The following SAMTOR variants were observed in gnomAD, a reference collection of about 807,000 sequenced individuals.
SAMTOR encodes the protein UPF0532 protein C7orf60.
the SAMTOR span, among the ~76,000 whole-genome samples, chr7:112,886,270 C>T: frequency 6.6e-6 from 1 of 152,046 alleles, no homozygotes; most frequent in African/African-American, 2.4e-5. Flanking sequence ...CCATTTTATT[C>T]CATCATGTTA....
At chr7:112,867,668 A>G in the SAMTOR span, among the ~76,000 whole-genome samples, 1 of 152,228 alleles carries the variant, frequency 6.6e-6, no homozygotes, top group Non-Finnish European at 1.5e-5. Context: ...ATAAATCATA[A>G]AACATGGAAT....
At chr7:112,884,319 C>T in the SAMTOR span, among the ~76,000 whole-genome samples, 30 of 152,156 alleles carry the variant, frequency 2.0e-4, no homozygotes, top group African/African-American at 7.0e-4. Flanking sequence ...CATGCCTTCC[C>T]TACAGTTCCT....
chr7:112,855,581 C>T, the SAMTOR span, among the ~76,000 whole-genome samples: 1 of 152,146 alleles, frequency 6.6e-6, no homozygotes, highest in Non-Finnish European at 1.5e-5. Flanking sequence ...GAGTCATTCT[C>T]AGCTTCTGGA....
At chr7:112,837,096 T>G in the SAMTOR span, among the ~76,000 whole-genome samples, 1 of 152,160 alleles carries the variant, frequency 6.6e-6, no homozygotes, top group African/African-American at 2.4e-5. Context: ...TTCCATTTGT[T>G]TGTGTCATCT....
the SAMTOR span, among the ~76,000 whole-genome samples, chr7:112,884,448 A>G: frequency 6.6e-6 from 1 of 152,200 alleles, no homozygotes; most frequent in African/African-American, 2.4e-5. Flanking sequence ...GTTACTTCCT[A>G]GATACAATGG....
the SAMTOR span, among the ~76,000 whole-genome samples, chr7:112,933,392 ATG>A: frequency 1.3e-5 from 2 of 152,346 alleles, no homozygotes; most frequent in East Asian, 3.9e-4. Context: ...TAATATAAAA[ATG>A]TGTCAAAACT....
chr7:112,897,704 A>G, the SAMTOR span, among the ~76,000 whole-genome samples: 2 of 152,198 alleles, frequency 1.3e-5, no homozygotes, highest in Non-Finnish European at 2.9e-5. Context: ...TTGGCTTTGG[A>G]GGCCACTCAA....
the SAMTOR span, among the ~76,000 whole-genome samples, chr7:112,936,898 T>G: frequency 2.0e-5 from 3 of 152,186 alleles, no homozygotes; most frequent in Non-Finnish European, 4.4e-5. Flanking sequence ...TGCTTCTCAT[T>G]TTCCCTCCTA....
the SAMTOR span, chr7:112,820,122 AACTG>A: frequency 1.3e-5 from 2 of 152,520 alleles, no homozygotes; most frequent in Non-Finnish European, 2.9e-5. Flanking sequence ...GCATTTAATC[AACTG>A]ACTTTAAAAA....
chr7:112,827,779 T>G, the SAMTOR span, among the ~76,000 whole-genome samples: 7 of 152,320 alleles, frequency 4.6e-5, no homozygotes, highest in East Asian at 1.3e-3. Context: ...TGGAGTGCAG[T>G]GGCACAATCT....
At chr7:112,821,668 G>A in the SAMTOR span, 2 of 1,388,278 alleles carry the variant, frequency 1.4e-6, no homozygotes, top group Non-Finnish European at 9.8e-7. Flanking sequence ...TCAGTACTGA[G>A]TTCATGTTAG....
At chr7:112,878,302 G>T in the SAMTOR span, among the ~76,000 whole-genome samples, 60 of 152,280 alleles carry the variant, frequency 3.9e-4, 4 homozygotes, top group East Asian at 0.011. Flanking sequence ...CAAGGTGCCA[G>T]CAGTTTTATC....
the SAMTOR span, among the ~76,000 whole-genome samples, chr7:112,932,487 T>C: frequency 6.6e-6 from 1 of 152,186 alleles, no homozygotes; most frequent in Non-Finnish European, 1.5e-5. Flanking sequence ...GTTATGAATA[T>C]AAAAAGATAA....
At chr7:112,866,798 C>T in the SAMTOR span, among the ~76,000 whole-genome samples, 4 of 152,232 alleles carry the variant, frequency 2.6e-5, no homozygotes, top group Non-Finnish European at 4.4e-5. Context: ...TACTACATCT[C>T]GAAAGTGTTT....
At chr7:112,831,661 G>T in the SAMTOR span, among the ~76,000 whole-genome samples, 5 of 152,062 alleles carry the variant, frequency 3.3e-5, no homozygotes, top group African/African-American at 9.7e-5. Flanking sequence ...TTAAAAAAAA[G>T]TTCAAGCTGA....
At chr7:112,912,977 A>T in the SAMTOR span, among the ~76,000 whole-genome samples, 1 of 152,186 alleles carries the variant, frequency 6.6e-6, no homozygotes, top group East Asian at 1.9e-4. Context: ...ATTTAAAAGC[A>T]CTACGCTAAA....
At chr7:112,859,440 A>G in the SAMTOR span, among the ~76,000 whole-genome samples, 1 of 152,208 alleles carries the variant, frequency 6.6e-6, no homozygotes, top group African/African-American at 2.4e-5. Context: ...AATTATGTAC[A>G]GTATATAATA....
At chr7:112,918,900 G>A in the SAMTOR span, among the ~76,000 whole-genome samples, 10 of 152,138 alleles carry the variant, frequency 6.6e-5, no homozygotes, top group Admixed American at 4.6e-4. Flanking sequence ...AGAGCTAACT[G>A]TCCTAAATGT....
chr7:112,938,108 C>T, the SAMTOR span, among the ~76,000 whole-genome samples: 3,015 of 152,206 alleles, frequency 0.02, 111 homozygotes, highest in African/African-American at 0.068. Context: ...ATTTCCTAAT[C>T]TCTCCAAATA....
Sources: allele counts gnomAD v4.1 joint callset (sites outside exome capture counted in the v4.1 genomes callset), GRCh38; gene constraint gnomAD v4.1.1; transcripts MANE v1.5; gene names NCBI Gene and HGNC (gene_info 2026-07-23, HGNC 2026-07-21).